The following PHLDB2 variants were observed in gnomAD, a reference collection of about 807,000 sequenced individuals.
The protein encoded by PHLDB2 is pleckstrin homology like domain family B member 2.
PHLDB2 carries 71 observed loss-of-function variants against 123.6 expected under a neutral mutation model. The ratio of observed to expected loss-of-function variants is 0.57; its 90% CI spans 0.47 to 0.70. The LOEUF (loss-of-function observed/expected upper bound fraction) is 0.70. Ranked by LOEUF, PHLDB2 falls within the 30% of genes least tolerant of loss-of-function variation. The pLI, the probability that PHLDB2 is intolerant of heterozygous loss-of-function variation, is 0.00. For missense variants in PHLDB2, 1,446 were observed against 1,519.5 expected (o/e 0.95, Z 0.80); for synonymous variants, 547 against 541.6 (o/e 1.01, Z -0.14).
intron 1 of PHLDB2, among the ~76,000 whole-genome samples, chr3:111,759,187 A>G (rs1399756074): frequency 6.6e-6 from 1 of 151,724 alleles, no homozygotes; most frequent in Non-Finnish European, 1.5e-5. Context: ...TAAACTAGGT[A>G]GCTTATGAAC....
intron 2 of PHLDB2, among the ~76,000 whole-genome samples, chr3:111,887,053 T>C (rs2066209085): frequency 6.6e-6 from 1 of 152,228 alleles, no homozygotes; most frequent in Non-Finnish European, 1.5e-5. Context: ...TAAATGCTTC[T>C]ATTTGCTCTT....
At chr3:111,821,864 T>A (rs2062400201) in intron 1 of PHLDB2, among the ~76,000 whole-genome samples, 1 of 152,230 alleles carries the variant, frequency 6.6e-6, no homozygotes, top group Admixed American at 6.5e-5. Context: ...TCTTACTACC[T>A]ACCCAGGAAA....
chr3:111,807,762 AAAGGAGAAGAAG>A (rs1466797077), intron 1 of PHLDB2, among the ~76,000 whole-genome samples: 1 of 152,124 alleles, frequency 6.6e-6, no homozygotes, highest in African/African-American at 2.4e-5. Flanking sequence ...CTGTCTCAAA[AAAGGAGAAGAAG>A]AAGGAGAAGG....
At chr3:111,876,893 C>T (rs1016425931) in intron 1 of PHLDB2, among the ~76,000 whole-genome samples, 70 of 152,180 alleles carry the variant, frequency 4.6e-4, no homozygotes, top group African/African-American at 1.6e-3. Flanking sequence ...CTGCAAAAGA[C>T]ATGAACTTAT....
At position 111,878,211 on chromosome 3, in the gene PHLDB2, G is replaced by A. The variant is rs61502020; in HGVS notation, c.-14-5853G>A. ...ATGGGATGTTTTTCCACTTCTTTGC[G>A]TCCTCTCTTATTTCTTTGAGCAGTG... is the stretch of plus-strand genomic sequence containing the variant. On this transcript the variant is annotated intron_variant, in intron 1 of 17. Coordinates refer to ENST00000431670, the MANE Select transcript of PHLDB2 (RefSeq NM_001134438.2). Among the ~76,000 whole-genome samples, 1,081 of 152,120 alleles carry A rather than the reference G, an allele frequency of 7.1e-3. 17 individuals carry two copies. The highest frequency in any genetic ancestry group is 0.024 in the African/African-American group (997 of 41,500).
intron 5 of PHLDB2, among the ~76,000 whole-genome samples, chr3:111,928,827 A>G (rs1313936648): frequency 6.6e-6 from 1 of 152,224 alleles, no homozygotes; most frequent in Admixed American, 6.5e-5. Context: ...AGTCAAAGTG[A>G]GAACAGTGCT....
At chr3:111,940,666 A>G (rs999876127) in intron 8 of PHLDB2, 21 bp downstream of exon 8, 2 of 1,432,544 alleles carry the variant, frequency 1.4e-6, no homozygotes, top group Non-Finnish European at 1.9e-6. Flanking sequence ...CCTTTTCAGC[A>G]CTGGCTACAG....
chr3:111,880,746 G>C (rs1256962111), intron 1 of PHLDB2, among the ~76,000 whole-genome samples: 1 of 151,898 alleles, frequency 6.6e-6, no homozygotes, highest in South Asian at 2.1e-4. Context: ...AAGTGCTTGG[G>C]AGTTGATTAA....
intron 1 of PHLDB2, among the ~76,000 whole-genome samples, chr3:111,841,815 T>C (rs1278567433): frequency 6.6e-6 from 1 of 152,210 alleles, no homozygotes; most frequent in Non-Finnish European, 1.5e-5. Context: ...AAATGCTGTC[T>C]ACCACTCTAA....
At chr3:111,966,852 A>G in intron 14 of PHLDB2, 149 bp downstream of exon 14, 1 of 608,580 alleles carries the variant, frequency 1.6e-6, no homozygotes, top group Non-Finnish European at 2.9e-6. Context: ...TATCTGAAAA[A>G]TAAAGGTGTT....
At chr3:111,896,339 A>G (rs2066864062) in intron 2 of PHLDB2, among the ~76,000 whole-genome samples, 1 of 108,308 alleles carries the variant, frequency 9.2e-6, no homozygotes, top group Admixed American at 1.1e-4. Flanking sequence ...TGTGCTGGCT[A>G]ATTCTTTTTT....
At chr3:111,821,325 G>C (rs540532437) in intron 1 of PHLDB2, among the ~76,000 whole-genome samples, 2 of 152,192 alleles carry the variant, frequency 1.3e-5, no homozygotes, top group African/African-American at 4.8e-5. Context: ...ATTAGTCAAG[G>C]TTCCCCAGAG....
rs886623637 is a variant in PHLDB2, at chr3:111,884,424, C to A, written c.347C>A (p.Ser116Tyr). The change falls in exon 2 of 18, where the codon TCC becomes TAC. Residue 116 changes from serine to tyrosine, a missense_variant. Ser to Tyr is a moderately radical substitution (Grantham distance 144, BLOSUM62 -2). Around this residue, in one of 3 missense-constraint regions of PHLDB2, gnomAD observed 832 missense variants for 831.9 expected, o/e 1.00. Coordinates refer to ENST00000431670, the MANE Select transcript of PHLDB2 (RefSeq NM_001134438.2). ...KPPTPLLNTT[S>Y]SLSGYPLGRA... ...CCAACTCCTTTACTCAACACTACAT[C>A]CTCCCTCAGTGGATATCCACTTGGA... is the stretch of plus-strand genomic sequence containing the variant. 1 of 1,614,050 alleles carries A rather than the reference C, an allele frequency of 6.2e-7. No homozygotes were observed. The highest frequency in any genetic ancestry group is 8.5e-7 in the Non-Finnish European group (1 of 1,180,034).
intron 1 of PHLDB2, among the ~76,000 whole-genome samples, chr3:111,838,248 G>A (rs1235023680): frequency 6.6e-6 from 1 of 152,078 alleles, no homozygotes; most frequent in African/African-American, 2.4e-5. Context: ...CAGTCTTCCC[G>A]CCTTTATCTC....
At chr3:111,774,135 G>T (rs890504416) in intron 1 of PHLDB2, among the ~76,000 whole-genome samples, 11 of 152,196 alleles carry the variant, frequency 7.2e-5, no homozygotes, top group South Asian at 4.1e-4. Context: ...GGAGGAGAAA[G>T]CCAGTGCCAG....
At chr3:111,803,677 C>T (rs1328092059) in intron 1 of PHLDB2, among the ~76,000 whole-genome samples, 1 of 152,198 alleles carries the variant, frequency 6.6e-6, no homozygotes, top group Non-Finnish European at 1.5e-5. Flanking sequence ...TCACTAATTA[C>T]ACTCAGAAAC....
At chr3:111,878,916 T>C (rs973627911) in intron 1 of PHLDB2, among the ~76,000 whole-genome samples, 1 of 152,184 alleles carries the variant, frequency 6.6e-6, no homozygotes, top group Non-Finnish European at 1.5e-5. Flanking sequence ...TTGATCATGG[T>C]GGATAAGCTT....
chr3:111,897,486 A>G (rs1201018934), intron 2 of PHLDB2, among the ~76,000 whole-genome samples: 1 of 152,236 alleles, frequency 6.6e-6, no homozygotes, highest in Admixed American at 6.5e-5. Flanking sequence ...TAAAGTTGCA[A>G]ATAGCCAAAA....
chr3:111,742,899 G>C (rs990791408), intron 1 of PHLDB2, among the ~76,000 whole-genome samples: 4 of 152,188 alleles, frequency 2.6e-5, no homozygotes, highest in Non-Finnish European at 5.9e-5. Flanking sequence ...TATAGATTCA[G>C]AGATGAGTAG....
Sources: gnomAD v4.1 joint callset for allele counts (sites outside exome capture counted in the v4.1 genomes callset) on GRCh38, gnomAD v4.1.1 for gene constraint, gnomAD v4.1.1 regional missense constraint, MANE v1.5 for transcripts, NCBI Gene and HGNC (gene_info 2026-07-23, HGNC 2026-07-21) for gene names.